Variants in NSD1 observed in about 807,000 individuals in gnomAD.
NSD1 encodes histone-lysine N-methyltransferase, H3 lysine-36 specific.
A neutral mutation model predicts 242.7 loss-of-function variants in NSD1; 26 were observed. The ratio of observed to expected loss-of-function variants is 0.11; its 90% CI spans 0.08 to 0.15. The LOEUF is 0.15. Ranked by LOEUF, NSD1 falls within the 10% of genes least tolerant of loss-of-function variation. The pLI is 1.00. For synonymous variants in NSD1, 1,106 were observed against 1,178.1 expected (o/e 0.94, Z 1.25); for missense variants, 2,495 against 3,272.8 (o/e 0.76, Z 5.80).
intron 3 of NSD1, among the ~76,000 whole-genome samples, chr5:177,197,340 A>G (rs1762177015): frequency 6.6e-6 from 1 of 150,700 alleles, no homozygotes; most frequent in Admixed American, 6.6e-5. Flanking sequence ...ATAATAAAAC[A>G]GGGCGGGTGC....
At chr5:177,199,472 G>T in intron 3 of NSD1, among the ~76,000 whole-genome samples, 1 of 152,152 alleles carries the variant, frequency 6.6e-6, no homozygotes, top group East Asian at 1.9e-4. Context: ...GCCCATGCTT[G>T]TCTTGAACTA....
intron 2 of NSD1, among the ~76,000 whole-genome samples, chr5:177,181,229 G>A (rs1195076041): frequency 6.6e-6 from 1 of 151,742 alleles, no homozygotes; most frequent in Non-Finnish European, 1.5e-5. Flanking sequence ...TTTGCAGTGA[G>A]CCGAGATTGT....
intron 2 of NSD1, among the ~76,000 whole-genome samples, chr5:177,182,810 G>A (rs1194344026): frequency 6.6e-6 from 1 of 152,008 alleles, no homozygotes; most frequent in African/African-American, 2.4e-5. Flanking sequence ...GCTAATTTTT[G>A]TATTTTTAGT....
intron 20 of NSD1, among the ~76,000 whole-genome samples, chr5:177,284,836 T>G (rs1759178608): frequency 6.6e-6 from 1 of 152,234 alleles, no homozygotes; most frequent in Non-Finnish European, 1.5e-5. Flanking sequence ...TGTGGTGGTA[T>G]ATGCCTGTAG....
chr5:177,185,489 T>C (rs1222265083), intron 2 of NSD1, among the ~76,000 whole-genome samples: 1 of 150,512 alleles, frequency 6.6e-6, no homozygotes, highest in East Asian at 1.9e-4. Flanking sequence ...TCCCAGCTAC[T>C]CGGGAGGCTG....
chr5:177,222,337 C>A (rs1417536341), intron 5 of NSD1, among the ~76,000 whole-genome samples: 1 of 152,090 alleles, frequency 6.6e-6, no homozygotes, highest in African/African-American at 2.4e-5. Context: ...CCATGTTGAC[C>A]AGTTTTTATT....
chr5:177,220,563 CTTTTTTTTTTTT>C (rs869220346), intron 5 of NSD1, among the ~76,000 whole-genome samples: 6 of 84,332 alleles, frequency 7.1e-5, no homozygotes, highest in Middle Eastern at 6.7e-3. Flanking sequence ...ATAGTAATTG[CTTTTTTTTTTTT>C]TTTTTTTTTT....
intron 3 of NSD1, among the ~76,000 whole-genome samples, chr5:177,199,630 T>C (rs919557015): frequency 6.6e-6 from 1 of 151,862 alleles, no homozygotes; most frequent in Non-Finnish European, 1.5e-5. Context: ...AGATGGAGTC[T>C]CTCTCTGTCA....
chr5:177,187,798 A>G (rs902201491), intron 2 of NSD1, among the ~76,000 whole-genome samples: 1 of 152,068 alleles, frequency 6.6e-6, no homozygotes, highest in Admixed American at 6.6e-5. Flanking sequence ...ATTAAGGCCC[A>G]CCCTTGTGAC....
At chr5:177,156,755 CATG>C (rs1304054884) in intron 2 of NSD1, among the ~76,000 whole-genome samples, 2 of 152,104 alleles carry the variant, frequency 1.3e-5, no homozygotes, top group East Asian at 1.9e-4. Context: ...AATTTAAAGG[CATG>C]GTGGTGGCTC....
intron 2 of NSD1, among the ~76,000 whole-genome samples, chr5:177,168,919 A>G (rs1041585766): frequency 6.6e-6 from 1 of 152,212 alleles, no homozygotes; most frequent in African/African-American, 2.4e-5. Flanking sequence ...GGTCAGGTCA[A>G]TATGGAGGAT....
chr5:177,277,206 A>G (rs1368074041), intron 17 of NSD1, among the ~76,000 whole-genome samples: 1 of 152,034 alleles, frequency 6.6e-6, no homozygotes, highest in Admixed American at 6.6e-5. Context: ...TTCATGGGCA[A>G]ATGTGGTCTA....
At chr5:177,144,747 A>G (rs1757095864) in intron 2 of NSD1, among the ~76,000 whole-genome samples, 1 of 152,196 alleles carries the variant, frequency 6.6e-6, no homozygotes, top group Non-Finnish European at 1.5e-5. Flanking sequence ...TCTCAATTGT[A>G]GCCTTTTAAA....
At chr5:177,136,594 C>T (rs1333214169) in intron 2 of NSD1, among the ~76,000 whole-genome samples, 2 of 151,618 alleles carry the variant, frequency 1.3e-5, no homozygotes, top group Non-Finnish European at 2.9e-5. Context: ...TTGATAACTG[C>T]CACCATTAGC....
At chr5:177,152,440 C>T (rs1162605837) in intron 2 of NSD1, among the ~76,000 whole-genome samples, 1 of 150,236 alleles carries the variant, frequency 6.7e-6, no homozygotes, top group Non-Finnish European at 1.5e-5. Flanking sequence ...ATGATCTCAG[C>T]TCACTGCAAC....
chr5:177,213,661 G>A (rs1009787808), intron 5 of NSD1, among the ~76,000 whole-genome samples: 111 of 152,086 alleles, frequency 7.3e-4, no homozygotes, highest in African/African-American at 2.5e-3. Flanking sequence ...TAGTAGAGAC[G>A]GGGTTTCACT....
At position 177,209,542 on chromosome 5, in the gene NSD1, AAAG is replaced by A. The variant is rs1160670420; in HGVS notation, c.1237-93_1237-91del. The A allele has an allele frequency of 1.8e-3, 1,646 of 914,032 alleles. 4 individuals carry two copies. Among genetic ancestry groups the A allele is most frequent in the East Asian group, 0.01 (320 of 31,644 alleles). 56.6% of individuals were successfully genotyped at this position (914,032 alleles called of 1,614,324 possible). A position where few individuals can be genotyped will look rare whatever the true frequency, so the allele number is the denominator to read the frequency against. ...AGACTCTGTCTCAAAAAAAAAAAAA[AAAG>A]GAATAAAAAAAAAAGCTTCTGATTT... On this transcript the variant is annotated intron_variant, in intron 4 of 22. Coordinates refer to ENST00000439151, the MANE Select transcript of NSD1 (RefSeq NM_022455.5).
intron 2 of NSD1, among the ~76,000 whole-genome samples, chr5:177,153,043 C>T (rs536518594): frequency 1.4e-3 from 220 of 152,024 alleles, no homozygotes; most frequent in Non-Finnish European, 2.7e-3. Flanking sequence ...AGGTATTGTA[C>T]GTAAAGTGCT....
intron 14 of NSD1, among the ~76,000 whole-genome samples, chr5:177,262,635 T>G (rs1164348282): frequency 2.0e-5 from 3 of 152,168 alleles, no homozygotes; most frequent in Non-Finnish European, 4.4e-5. Context: ...TCCCAGCACT[T>G]TGGGAGGCTG....
Sources: gnomAD v4.1 joint callset for allele counts (sites outside exome capture counted in the v4.1 genomes callset) on GRCh38, gnomAD v4.1.1 for gene constraint, MANE v1.5 for transcripts, NCBI Gene and HGNC (gene_info 2026-07-23, HGNC 2026-07-21) for gene names.